Variants in CACNA1D observed in about 807,000 individuals in gnomAD.
The protein encoded by CACNA1D is calcium voltage-gated channel subunit alpha1 D.
Under a neutral mutation model 257.1 loss-of-function variants are expected in CACNA1D, and 55 were observed. The observed-to-expected ratio is 0.21, with a 90% CI of 0.17 to 0.27. The LOEUF (loss-of-function observed/expected upper bound fraction) is 0.27. CACNA1D is among the 10% of genes least tolerant of loss of function. The pLI is 1.00. For missense variants in CACNA1D, 1,876 were observed against 2,784.0 expected (o/e 0.67, Z 7.34); for synonymous variants, 980 against 1,014.9 (o/e 0.97, Z 0.65).
intron 3 of CACNA1D, among the ~76,000 whole-genome samples, chr3:53,531,925 A>G (rs1056172890): frequency 1.3e-5 from 2 of 152,306 alleles, no homozygotes; most frequent in Middle Eastern, 3.4e-3. Flanking sequence ...CATGCCCAGC[A>G]GGTGGCAGGT....
chr3:53,809,023 G>T (rs973527902), intron 46 of CACNA1D: 3 of 521,678 alleles, frequency 5.8e-6, no homozygotes, highest in Non-Finnish European at 6.9e-6. Context: ...CACTGCCCAG[G>T]TGCCTCCCTG....
In CACNA1D at chr3:53,631,928, G is replaced by C. The variant is rs1356907486; in HGVS notation, c.484-18851G>C. Among the ~76,000 whole-genome samples the C allele has an allele frequency of 2.0e-5, 3 of 152,182 alleles. No individual in the cohort carries two copies. The South Asian group carries it at 6.2e-4, about 32-fold the overall frequency. On this transcript the variant is annotated intron_variant, in intron 3 of 47. Transcript: ENST00000350061. Reference sequence around the variant, plus strand: ...TATAAACAGATGTGCTGTCACTCAGGCTTTGTTTTCCATTTATAGAGCATA... The same window carrying C: ...TATAAACAGATGTGCTGTCACTCAGCCTTTGTTTTCCATTTATAGAGCATA...
rs748906032 is a variant in CACNA1D at position 53,702,830 on chromosome 3, C to G, written c.1390+20C>G. The G allele has an allele frequency of 1.9e-5, 30 of 1,613,732 alleles. No homozygotes were observed. Among genetic ancestry groups the G allele is most frequent in the Non-Finnish European group, 2.5e-5 (30 of 1,179,846 alleles). On this transcript the variant is annotated intron_variant, in intron 9 of 47. Coordinates refer to ENST00000350061, the MANE Select transcript of CACNA1D (RefSeq NM_001128840.3). ...GAAATAGTATGTAGCGCCTTTCCTG[C>G]CCCTGGCTAGACAGACCCAGTGTGC...
At chr3:53,709,955 G>A (rs958648164) in intron 9 of CACNA1D, among the ~76,000 whole-genome samples, 1 of 152,164 alleles carries the variant, frequency 6.6e-6, no homozygotes, top group Non-Finnish European at 1.5e-5. Context: ...GAAGTGACAG[G>A]GCTGGGGTTA....
rs2095011675 is a variant in CACNA1D at position 53,732,814 on chromosome 3, G to A, written c.2474-1G>A. ...CTATAAAAAAAGTATTTCATTTAAA[G>A]TAGGGGAAGAGGAAGAGGAAGAGGA... On this transcript the variant is annotated splice_acceptor_variant, in intron 18 of 47. Coordinates refer to ENST00000350061, the MANE Select transcript of CACNA1D (RefSeq NM_001128840.3). LOFTEE classifies it high-confidence loss of function. 2.5e-6 allele frequency: 4 copies of A among 1,612,594 alleles called. No homozygotes were observed. Among genetic ancestry groups the A allele is most frequent in the Non-Finnish European group, 3.4e-6 (4 of 1,178,626 alleles).
chr3:53,782,870 C>G (rs10452034), intron 39 of CACNA1D: 2 of 152,324 alleles, frequency 1.3e-5, no homozygotes, highest in African/African-American at 4.8e-5. Flanking sequence ...CCTTGGTTTT[C>G]ATTCTTTTCT....
At chr3:53,536,542 G>T (rs1166927524) in intron 3 of CACNA1D, among the ~76,000 whole-genome samples, 1 of 152,230 alleles carries the variant, frequency 6.6e-6, no homozygotes, top group Non-Finnish European at 1.5e-5. Flanking sequence ...GATCCAAGTG[G>T]CATGAGAAAC....
intron 3 of CACNA1D, among the ~76,000 whole-genome samples, chr3:53,550,763 G>A (rs1311110564): frequency 6.6e-6 from 1 of 152,124 alleles, no homozygotes; most frequent in African/African-American, 2.4e-5. Flanking sequence ...GAGAAGTGGT[G>A]GCAGGGAATG....
At position 53,660,224 on chromosome 3, in the gene CACNA1D, C is replaced by T. The variant is rs371524225; in HGVS notation, c.715C>T (p.Leu239Phe). The T allele has an allele frequency of 1.2e-6, 2 of 1,613,912 alleles. No homozygotes were observed. Among genetic ancestry groups the T allele is most frequent in the Non-Finnish European group, 8.5e-7 (1 of 1,179,828 alleles). Reference sequence around the variant, plus strand: ...ATCTGGAGGCTTTGATGTCAAAGCCCTCCGTGCCTTTCGAGTGTTGCGACC... The same window carrying T: ...ATCTGGAGGCTTTGATGTCAAAGCCTTCCGTGCCTTTCGAGTGTTGCGACC... ...GKSGGFDVKA[L>F]RAFRVLRPLR... The change falls in exon 5 of 48, where the codon CTC becomes TTC. Residue 239 changes from leucine to phenylalanine, a missense_variant. By Grantham distance (22) the Leu-to-Phe change is conservative. Around this residue, in one of 10 missense-constraint regions of CACNA1D, gnomAD observed 188 missense variants for 390.4 expected, o/e 0.48. Coordinates refer to ENST00000350061, the MANE Select transcript of CACNA1D (RefSeq NM_001128840.3).
intron 3 of CACNA1D, among the ~76,000 whole-genome samples, chr3:53,647,046 T>A (rs1257100825): frequency 6.6e-6 from 1 of 151,896 alleles, no homozygotes; most frequent in Non-Finnish European, 1.5e-5. Flanking sequence ...TTTCACTGTT[T>A]AAAGAAGACA....
At chr3:53,685,933 T>C (rs1162068989) in intron 8 of CACNA1D, among the ~76,000 whole-genome samples, 1 of 151,806 alleles carries the variant, frequency 6.6e-6, no homozygotes, top group African/African-American at 2.4e-5. Flanking sequence ...GTAAATAAAA[T>C]AGAAAACACA....
intron 3 of CACNA1D, among the ~76,000 whole-genome samples, chr3:53,557,234 C>T (rs535395434): frequency 9.2e-5 from 14 of 152,108 alleles, no homozygotes; most frequent in Admixed American, 3.9e-4. Context: ...GGTGGCTCAC[C>T]GCTGTAATCC....
At position 53,650,925 on chromosome 3, in the gene CACNA1D, C is replaced by G. The variant is rs1344809718; in HGVS notation, c.623+7C>G. ...TTGTTATAGTAATAGTAGGGTAAGTCTCTTTTACTTTGGGGAAATGTTGAT... is the reference window on the plus strand; with the variant it reads ...TTGTTATAGTAATAGTAGGGTAAGTGTCTTTTACTTTGGGGAAATGTTGAT... On this transcript the variant is annotated splice_region_variant and intron_variant, in intron 4 of 47. Coordinates refer to ENST00000350061, the MANE Select transcript of CACNA1D (RefSeq NM_001128840.3). 1.2e-6 allele frequency: 2 copies of G among 1,606,740 alleles called. No homozygotes were observed. Among genetic ancestry groups the G allele is most frequent in the Non-Finnish European group, 1.7e-6 (2 of 1,174,052 alleles).
In CACNA1D at chr3:53,751,899, G is replaced by A; in HGVS notation, c.3667G>A (p.Ala1223Thr). ...CATCATGCTCAACACACTCTGCTTG[G>A]CCATGCAGGTAAAAATGGAGACAGC... The part of the protein sequence containing the change: ...VLIMLNTLCL[A>T]MQHYEQSKMF... Residue 1223 changes from alanine to threonine, a missense_variant, in exon 28 of 48, where the codon GCC (alanine) becomes ACC (threonine). Around this residue, in one of 10 missense-constraint regions of CACNA1D, gnomAD observed 204 missense variants for 309.4 expected, o/e 0.66. Transcript: ENST00000350061. The surrounding 1 kb of genome is among the most constrained non-coding windows in gnomAD (Gnocchi z 4.3). The A allele has an allele frequency of 1.9e-6, 3 of 1,614,054 alleles. No homozygotes were observed. In the South Asian group the frequency reaches 3.3e-5, roughly 18 times the overall value.
chr3:53,724,248 C>A (rs1445528887), intron 14 of CACNA1D, among the ~76,000 whole-genome samples: 2 of 152,156 alleles, frequency 1.3e-5, no homozygotes, highest in African/African-American at 2.4e-5. Context: ...ACCAAAAAAA[C>A]CGTTTTTCAC....
chr3:53,680,275 C>T (rs1394297416), intron 8 of CACNA1D, among the ~76,000 whole-genome samples: 1 of 152,150 alleles, frequency 6.6e-6, no homozygotes, highest in African/African-American at 2.4e-5. Flanking sequence ...GGACAGCAGC[C>T]AGGCGCTAGC....
At chr3:53,513,500 G>A (rs1559774111) in intron 3 of CACNA1D, among the ~76,000 whole-genome samples, 1 of 152,176 alleles carries the variant, frequency 6.6e-6, no homozygotes, top group Non-Finnish European at 1.5e-5. Context: ...TGGGCGTGGT[G>A]GCACACGCCT....
Position 53,654,858 on chromosome 3 carries a change from A to AT in CACNA1D, c.623+3943dup, listed in dbSNP as rs1160422059. On this transcript the variant is annotated intron_variant, in intron 4 of 47. Coordinates refer to ENST00000350061, the MANE Select transcript of CACNA1D (RefSeq NM_001128840.3). ...AAGCCTATTGTAGAGATTAAATGGA[A>AT]TTTAAAAAAAACCCCTAAATCCAAA... 1.5e-4 allele frequency among the ~76,000 whole-genome samples: 23 copies of AT among 152,316 alleles called. 1 individual carries two copies. The South Asian group carries it at 4.8e-3, about 32-fold the overall frequency.
intron 3 of CACNA1D, among the ~76,000 whole-genome samples, chr3:53,633,269 G>A (rs914485116): frequency 6.6e-6 from 1 of 152,210 alleles, no homozygotes; most frequent in African/African-American, 2.4e-5. Context: ...AAGGTGGGCA[G>A]ATTGCTTTGA....
Sources: allele counts gnomAD v4.1 joint callset (sites outside exome capture counted in the v4.1 genomes callset), GRCh38; gene constraint gnomAD v4.1.1; regional missense constraint gnomAD v4.1.1; non-coding constraint Gnocchi (gnomAD v3.1); transcripts MANE v1.5; gene names NCBI Gene and HGNC (gene_info 2026-07-23, HGNC 2026-07-21).